Variants in PDE1C observed in about 807,000 individuals in gnomAD.
The protein encoded by PDE1C is phosphodiesterase 1C.
In PDE1C, 62 loss-of-function variants were observed where a neutral mutation model predicts 93.1. That is an observed-to-expected ratio of 0.67 (90% CI 0.54 to 0.82). The LOEUF (loss-of-function observed/expected upper bound fraction) is 0.82, where lower values mean the gene tolerates loss of function less well. Ranked by LOEUF, PDE1C falls within the 40% of genes least tolerant of loss-of-function variation. The pLI is 0.00. For synonymous variants in PDE1C, 325 were observed against 310.1 expected, an observed-to-expected ratio of 1.05 and a Z score of -0.50; for missense variants, 742 against 884.6, an observed-to-expected ratio of 0.84 and a Z score of 2.04.
At chr7:32,025,566 G>A (rs1036119653) in intron 2 of PDE1C, among the ~76,000 whole-genome samples, 4 of 152,106 alleles carry the variant, frequency 2.6e-5, no homozygotes, top group African/African-American at 7.2e-5. Context: ...GGGAGGAGTG[G>A]GCAGTGCCAG....
chr7:31,815,671 ACT>A (rs1788151235), intron 15 of PDE1C, among the ~76,000 whole-genome samples: 1 of 145,182 alleles, frequency 6.9e-6, no homozygotes, highest in Non-Finnish European at 1.5e-5. Context: ...GCAGGCAGGC[ACT>A]GGCTAGAGTC....
chr7:31,717,388 C>T, the PDE1C span, among the ~76,000 whole-genome samples: 275 of 152,178 alleles, frequency 1.8e-3, no homozygotes, highest in African/African-American at 6.3e-3. Context: ...TTTAACAGTC[C>T]CAAAATACCA....
chr7:31,691,903 T>C, the PDE1C span, among the ~76,000 whole-genome samples: 1 of 151,894 alleles, frequency 6.6e-6, no homozygotes, highest in Non-Finnish European at 1.5e-5. Flanking sequence ...CTCAGGTGTC[T>C]AATGGAAGTC....
At chr7:31,650,362 A>C in the PDE1C span, among the ~76,000 whole-genome samples, 2 of 152,146 alleles carry the variant, frequency 1.3e-5, no homozygotes, top group Non-Finnish European at 2.9e-5. Flanking sequence ...TGGGAGGCAG[A>C]CTGGAGGGTG....
At chr7:32,002,336 C>A (rs2058543) in intron 2 of PDE1C, among the ~76,000 whole-genome samples, 50,551 of 151,956 alleles carry the variant, frequency 0.33, 9,528 homozygotes, top group African/African-American at 0.52. Context: ...AGTCCTGCTA[C>A]CCAGCCAAAG....
intron 2 of PDE1C, among the ~76,000 whole-genome samples, chr7:31,935,358 C>T (rs867210370): frequency 1.9e-4 from 29 of 152,268 alleles, no homozygotes; most frequent in African/African-American, 6.0e-4. Flanking sequence ...AACTCTGCCC[C>T]TTGCCCCAGG....
At chr7:32,252,147 G>A (rs1809439707) in intron 1 of PDE1C, among the ~76,000 whole-genome samples, 1 of 152,144 alleles carries the variant, frequency 6.6e-6, no homozygotes, top group Non-Finnish European at 1.5e-5. Flanking sequence ...TCTCTGACCT[G>A]CTTACTTTTA....
chr7:32,163,709 T>C (rs1418297308), intron 3 of PDE1C, among the ~76,000 whole-genome samples: 1 of 152,144 alleles, frequency 6.6e-6, no homozygotes, highest in East Asian at 1.9e-4. Flanking sequence ...GGAACTGAGA[T>C]GGGCAATGCA....
intron 5 of PDE1C, among the ~76,000 whole-genome samples, chr7:31,875,005 A>G (rs1020179857): frequency 3.9e-5 from 6 of 152,236 alleles, no homozygotes; most frequent in Non-Finnish European, 1.5e-5. Context: ...AATGCCATGA[A>G]TATGTGCTGT....
intron 2 of PDE1C, among the ~76,000 whole-genome samples, chr7:31,899,162 G>A (rs1799670522): frequency 1.5e-5 from 2 of 130,274 alleles, no homozygotes; most frequent in Admixed American, 8.5e-5. Context: ...TTTTTGAGAC[G>A]GAGTCTTGCT....
intron 14 of PDE1C, among the ~76,000 whole-genome samples, chr7:31,819,340 A>T (rs541656021): frequency 4.9e-4 from 74 of 152,270 alleles, no homozygotes; most frequent in African/African-American, 1.8e-3. Flanking sequence ...CTGCAATCAG[A>T]TTCCTTTATA....
chr7:32,208,513 T>A (rs922797667), intron 2 of PDE1C, among the ~76,000 whole-genome samples: 1 of 151,396 alleles, frequency 6.6e-6, no homozygotes, highest in Non-Finnish European at 1.5e-5. Context: ...AAAAAAAAAA[T>A]TAATGTAACA....
At position 31,774,263 on chromosome 7, in the gene PDE1C, A is replaced by G. The variant is rs146329704; in HGVS notation, c.1960+1401T>C. On this transcript the variant is annotated intron_variant, in intron 17 of 17. Transcript: ENST00000396191. Reference sequence around the variant, plus strand: ...AATGGATGAAATATGGTAATTCCCCAAAGAAGAAATGTAAAGGTGAATTAA... The same window carrying G: ...AATGGATGAAATATGGTAATTCCCCGAAGAAGAAATGTAAAGGTGAATTAA... Among the ~76,000 whole-genome samples, 56 of 152,356 alleles carry G rather than the reference A, an allele frequency of 3.7e-4. 1 individual carries two copies. Among genetic ancestry groups the G allele is most frequent in the African/African-American group, 1.3e-3 (55 of 41,586 alleles).
chr7:31,994,343 A>G (rs368917405), intron 2 of PDE1C, among the ~76,000 whole-genome samples: 6 of 152,196 alleles, frequency 3.9e-5, no homozygotes, highest in Non-Finnish European at 7.3e-5. Context: ...AGGCATTTCA[A>G]AATAAAAAGT....
intron 3 of PDE1C, among the ~76,000 whole-genome samples, chr7:32,145,039 G>A (rs1800752952): frequency 6.6e-6 from 1 of 152,168 alleles, no homozygotes; most frequent in African/African-American, 2.4e-5. Context: ...AAATTACTTT[G>A]ATTCAACAAT....
At chr7:31,985,417 ATTATT>A (rs1435673333) in intron 2 of PDE1C, among the ~76,000 whole-genome samples, 1 of 152,006 alleles carries the variant, frequency 6.6e-6, no homozygotes, top group Non-Finnish European at 1.5e-5. Flanking sequence ...TACGTTTTTT[ATTATT>A]TATTTATTTT....
intron 1 of PDE1C, among the ~76,000 whole-genome samples, chr7:32,249,813 G>A (rs1473082200): frequency 1.3e-5 from 2 of 152,158 alleles, no homozygotes; most frequent in African/African-American, 4.8e-5. Flanking sequence ...CTGTGGGGGT[G>A]AGGTTCTAAA....
In PDE1C at chr7:32,195,373, T is replaced by C. The variant is rs368363086; in HGVS notation, c.136+14116A>G. On this transcript the variant is annotated intron_variant, in intron 2 of 18. Transcript: ENST00000396193. ...AATGTCTTTATTTCCCCTCCATTTC[T>C]GAGGAATATTTTTGCTGATTAGAGG... Among the ~76,000 whole-genome samples, 11 of 152,362 alleles carry C rather than the reference T, an allele frequency of 7.2e-5. No homozygotes were observed. In the East Asian group the frequency reaches 1.2e-3, roughly 16 times the overall value.
the PDE1C span, among the ~76,000 whole-genome samples, chr7:31,647,037 T>C: frequency 6.6e-6 from 1 of 152,184 alleles, no homozygotes; most frequent in Non-Finnish European, 1.5e-5. Context: ...CATACACACA[T>C]ATACGTGTGC....
Sources: gnomAD v4.1 joint callset for allele counts (sites outside exome capture counted in the v4.1 genomes callset) on GRCh38, gnomAD v4.1.1 for gene constraint, MANE v1.5 for transcripts, NCBI Gene and HGNC (gene_info 2026-07-23, HGNC 2026-07-21) for gene names.